BANK1: variants seen among roughly 807,000 people sequenced by gnomAD.
BANK1 encodes B cell scaffold protein with ankyrin repeats 1, also known as B-cell scaffold protein with ankyrin repeats.
Under a neutral mutation model 94.5 loss-of-function variants are expected in BANK1, and 95 were observed. That is an observed-to-expected ratio of 1.00 (90% CI 0.85 to 1.19). BANK1 has a LOEUF of 1.19. BANK1 is among the 50% of genes most tolerant of loss of function. BANK1 has a pLI of 0.00. For missense variants in BANK1, 987 were observed against 932.2 expected (o/e 1.06, Z -0.77); for synonymous variants, 334 against 308.4 (o/e 1.08, Z -0.87).
chr4:101,992,935 AC>A (rs1284678891), intron 7 of BANK1, among the ~76,000 whole-genome samples: 1 of 152,182 alleles, frequency 6.6e-6, no homozygotes, highest in African/African-American at 2.4e-5. Context: ...AGGATTCAGG[AC>A]TTTCAGAGCT....
At chr4:101,875,621 CT>C (rs1442377322) in intron 5 of BANK1, among the ~76,000 whole-genome samples, 1 of 152,108 alleles carries the variant, frequency 6.6e-6, no homozygotes, top group Non-Finnish European at 1.5e-5. Flanking sequence ...GGGTCCCCCC[CT>C]AGATACATGG....
At chr4:101,859,996 A>C (rs1349681302) in intron 3 of BANK1, among the ~76,000 whole-genome samples, 2 of 152,146 alleles carry the variant, frequency 1.3e-5, no homozygotes, top group Admixed American at 1.3e-4. Flanking sequence ...GCAGTGCTTT[A>C]GTGTTCCTTT....
At chr4:101,858,602 A>G (rs1004908802) in intron 3 of BANK1, among the ~76,000 whole-genome samples, 1 of 152,062 alleles carries the variant, frequency 6.6e-6, no homozygotes, top group Non-Finnish European at 1.5e-5. Context: ...CTTTAATATA[A>G]TCAACCCTAA....
At chr4:102,007,147 TATATA>T (rs1391557281) in intron 7 of BANK1, among the ~76,000 whole-genome samples, 555 of 10,268 alleles carry the variant, frequency 0.054, 31 homozygotes, top group East Asian at 0.29. Context: ...AAATATATTT[TATATA>T]TATATATATA....
chr4:102,048,322 G>A (rs1727948025), intron 11 of BANK1, among the ~76,000 whole-genome samples: 1 of 152,092 alleles, frequency 6.6e-6, no homozygotes, highest in African/African-American at 2.4e-5. Context: ...CAGTTAGCAT[G>A]AAAACAAGAT....
chr4:102,002,560 C>T (rs202070639), intron 7 of BANK1, among the ~76,000 whole-genome samples: 57,419 of 148,358 alleles, frequency 0.39, 11,883 homozygotes, highest in South Asian at 0.57. Context: ...CACACACACA[C>T]ACACACACAC....
intron 7 of BANK1, among the ~76,000 whole-genome samples, chr4:101,939,385 G>A (rs1448859555): frequency 6.6e-6 from 1 of 151,644 alleles, no homozygotes; most frequent in Non-Finnish European, 1.5e-5. Flanking sequence ...AATGACTTAG[G>A]GCATCACATA....
chr4:101,973,240 T>C (rs1725013704), intron 7 of BANK1, among the ~76,000 whole-genome samples: 1 of 151,978 alleles, frequency 6.6e-6, no homozygotes, highest in Non-Finnish European at 1.5e-5. Context: ...TAATTCATAA[T>C]ACCACTTTGT....
chr4:101,875,091 A>G (rs1337735859), intron 5 of BANK1, among the ~76,000 whole-genome samples: 1 of 152,200 alleles, frequency 6.6e-6, no homozygotes, highest in African/African-American at 2.4e-5. Flanking sequence ...AAATCAGGTG[A>G]GCACTTAAAG....
chr4:101,948,392 T>C (rs1724011535), intron 7 of BANK1, among the ~76,000 whole-genome samples: 1 of 152,128 alleles, frequency 6.6e-6, no homozygotes, highest in South Asian at 2.1e-4. Flanking sequence ...AATAATCATG[T>C]AACAGGTTGC....
rs374105166 is a variant in BANK1 at position 102,060,436 on chromosome 4, C to G, written c.2148+47C>G. On this transcript the variant is annotated intron_variant, in intron 12 of 16. Transcript: ENST00000322953. ...CTGGGACATTCCCTCACTTGTGGAG[C>G]CCCTAGTTTGTTAATGTTTAATTTT... 1,076 of 1,545,276 alleles carry G rather than the reference C, an allele frequency of 7.0e-4. 1 individual carries two copies. Among genetic ancestry groups the G allele is most frequent in the Middle Eastern group, 5.4e-3 (32 of 5,904 alleles).
At chr4:101,871,662 T>A (rs1560610417) in intron 5 of BANK1, among the ~76,000 whole-genome samples, 2 of 152,170 alleles carry the variant, frequency 1.3e-5, no homozygotes, top group Non-Finnish European at 2.9e-5. Flanking sequence ...ATATTGTAAT[T>A]CCAAAGCAAG....
At chr4:101,917,317 C>A (rs1394043552) in intron 6 of BANK1, among the ~76,000 whole-genome samples, 2 of 151,798 alleles carry the variant, frequency 1.3e-5, no homozygotes, top group Non-Finnish European at 2.9e-5. Flanking sequence ...TTTTGTTTGT[C>A]ATTGGGATAC....
At chr4:101,965,703 C>T (rs1315436430) in intron 7 of BANK1, among the ~76,000 whole-genome samples, 1 of 151,982 alleles carries the variant, frequency 6.6e-6, no homozygotes, top group Admixed American at 6.6e-5. Context: ...TCTGCAAAAA[C>T]CACAGCTCTC....
In BANK1 at chr4:102,063,017, A is replaced by C. The variant is rs1728471917; in HGVS notation, c.2149-58A>C. 2.4e-5 allele frequency: 34 copies of C among 1,396,254 alleles called. No homozygotes were observed. The South Asian group carries it at 3.9e-4, about 16-fold the overall frequency. The allele number at this position is 1,396,254 out of a possible 1,614,324, so 86.5% of individuals were successfully genotyped here. On this transcript the variant is annotated intron_variant, in intron 12 of 16. Transcript: ENST00000322953. ...ATTGCTAATAGTAGTTGATGTTTTC[A>C]TCTTGATCCATAAAAATTTGAAAAT...
intron 2 of BANK1, 23 bp from the exon 3 acceptor site, chr4:101,855,012 T>C: frequency 6.4e-7 from 1 of 1,572,304 alleles, no homozygotes; most frequent in Non-Finnish European, 8.7e-7. Flanking sequence ...TATTATAATC[T>C]ACATTCATAA....
intron 12 of BANK1, chr4:102,062,828 C>CT (rs1163918045): frequency 2.5e-6 from 1 of 407,342 alleles, no homozygotes; most frequent in Non-Finnish European, 4.5e-6. Context: ...GGGAAAGTTA[C>CT]TGTACCTCTC....
intron 1 of BANK1, among the ~76,000 whole-genome samples, chr4:101,795,565 A>G (rs954019279): frequency 6.6e-6 from 1 of 152,114 alleles, no homozygotes; most frequent in Non-Finnish European, 1.5e-5. Flanking sequence ...TTTTATTTAG[A>G]TTTAATATAT....
At position 101,897,893 on chromosome 4, in the gene BANK1, C is replaced by A. The variant is rs563671347; in HGVS notation, c.1009+2483C>A. ...AGAAAAAAATATTACCCTCTCTTAA[C>A]AAAGGTTATAAAGATAGTAGTATAT... is the stretch of plus-strand genomic sequence containing the variant. On this transcript the variant is annotated intron_variant, in intron 6 of 16. Transcript: ENST00000322953. 5.3e-5 allele frequency among the ~76,000 whole-genome samples: 8 copies of A among 151,632 alleles called. No individual in the cohort carries two copies. The South Asian group carries it at 1.7e-3, about 32-fold the overall frequency.
Sources: allele counts gnomAD v4.1 joint callset (sites outside exome capture counted in the v4.1 genomes callset), GRCh38; gene constraint gnomAD v4.1.1; transcripts MANE v1.5; gene names NCBI Gene and HGNC (gene_info 2026-07-23, HGNC 2026-07-21).